The following CDC14A variants were observed in gnomAD, a reference collection of about 807,000 sequenced individuals.
CDC14A encodes the protein cell division cycle 14A.
In CDC14A, 53 loss-of-function variants were observed where a neutral mutation model predicts 74.4. That is an observed-to-expected ratio of 0.71 (90% confidence interval 0.57 to 0.89). CDC14A has a LOEUF of 0.89. Ranked by LOEUF, CDC14A falls within the 40% of genes least tolerant of loss-of-function variation. CDC14A has a pLI of 0.00. For synonymous variants in CDC14A, 247 were observed against 258.4 expected, an observed-to-expected ratio of 0.96 and a Z score of 0.43; for missense variants, 646 against 713.7, an observed-to-expected ratio of 0.91 and a Z score of 1.08.
chr1:100,468,072 C>T lies in CDC14A; in HGVS notation c.955C>T (p.Pro319Ser), dbSNP rs1396016584. 1.9e-6 allele frequency: 3 copies of T among 1,613,606 alleles called. No individual in the cohort carries two copies. The highest frequency in any genetic ancestry group is 2.5e-6 in the Non-Finnish European group (3 of 1,179,806). The change falls in exon 10 of 16, where the codon CCC becomes TCC. Residue 319 changes from proline (P) to serine (S), a missense_variant. Coordinates refer to ENST00000336454, the MANE Select transcript of CDC14A (RefSeq NM_003672.4). ...ATGCCGGCCAGGCTCTATTATAGGACCCCAGCAGCACTTCCTGGAAGAGTA... is the reference window on the plus strand; with the variant it reads ...ATGCCGGCCAGGCTCTATTATAGGATCCCAGCAGCACTTCCTGGAAGAGTA... ...RICRPGSIIG[P>S]QQHFLEEKQA...
intron 15 of CDC14A, among the ~76,000 whole-genome samples, chr1:100,502,352 T>G (rs934128459): frequency 2.0e-5 from 3 of 152,226 alleles, no homozygotes; most frequent in African/African-American, 7.2e-5. Flanking sequence ...TTTCTATGTT[T>G]AGGTATGTTT....
chr1:100,485,005 A>G, intron 11 of CDC14A: 1 of 984,594 alleles, frequency 1.0e-6, no homozygotes, highest in Non-Finnish European at 1.2e-6. Flanking sequence ...GAAATTGCAT[A>G]TCAGAGATGT....
intron 15 of CDC14A, among the ~76,000 whole-genome samples, chr1:100,515,522 T>C (rs149232557): frequency 0.025 from 3,735 of 152,142 alleles, 63 homozygotes; most frequent in Middle Eastern, 0.085. Context: ...TAGCTGGGAT[T>C]ACAGGAATGT....
chr1:100,462,973 C>A, intron 9 of CDC14A, 92 bp downstream of exon 9: 1 of 865,498 alleles, frequency 1.2e-6, no homozygotes, highest in Non-Finnish European at 1.8e-6. Context: ...TGTTTAGTGT[C>A]TTAGAAAAAC....
chr1:100,361,372 A>G (rs1652731470), intron 2 of CDC14A, among the ~76,000 whole-genome samples: 2 of 152,232 alleles, frequency 1.3e-5, no homozygotes, highest in South Asian at 2.1e-4. Context: ...CTGCAAATGT[A>G]TGTGTTAGGA....
chr1:100,356,987 G>A (rs1652006142), intron 2 of CDC14A, among the ~76,000 whole-genome samples: 1 of 152,056 alleles, frequency 6.6e-6, no homozygotes, highest in African/African-American at 2.4e-5. Context: ...GTGGCGTGGA[G>A]GGGTGCTGAG....
intron 8 of CDC14A, 64 bp downstream of exon 8, chr1:100,455,556 C>T: frequency 5.5e-6 from 5 of 909,050 alleles, no homozygotes; most frequent in Non-Finnish European, 8.7e-6. Context: ...AGTTTCTTAA[C>T]TTCCTCAGAT....
At chr1:100,479,517 T>C (rs1669246565) in intron 10 of CDC14A, among the ~76,000 whole-genome samples, 1 of 152,204 alleles carries the variant, frequency 6.6e-6, no homozygotes, top group Admixed American at 6.5e-5. Context: ...GGTTTTCTTT[T>C]AGATACATGC....
intron 4 of CDC14A, among the ~76,000 whole-genome samples, chr1:100,397,060 A>G (rs1236346565): frequency 6.6e-6 from 1 of 151,536 alleles, no homozygotes; most frequent in Non-Finnish European, 1.5e-5. Context: ...CTCATCAGCT[A>G]TCCTTAGTGT....
At chr1:100,435,022 C>T (rs1430463411) in intron 5 of CDC14A, among the ~76,000 whole-genome samples, 1 of 152,168 alleles carries the variant, frequency 6.6e-6, no homozygotes, top group Non-Finnish European at 1.5e-5. Flanking sequence ...TGCCTTTGGC[C>T]TACTGAATTA....
At chr1:100,515,172 T>G (rs1179397802) in intron 15 of CDC14A, among the ~76,000 whole-genome samples, 6 of 152,162 alleles carry the variant, frequency 3.9e-5, no homozygotes, top group African/African-American at 1.4e-4. Context: ...CCTTGAGGTT[T>G]CCTCAACTGT....
chr1:100,463,683 T>C (rs1187995508), intron 9 of CDC14A, among the ~76,000 whole-genome samples: 1 of 152,232 alleles, frequency 6.6e-6, no homozygotes, highest in African/African-American at 2.4e-5. Flanking sequence ...GGCAACCCCA[T>C]GTCAGCTACT....
intron 4 of CDC14A, among the ~76,000 whole-genome samples, chr1:100,408,827 A>G (rs1450974101): frequency 6.6e-6 from 1 of 152,182 alleles, no homozygotes; most frequent in Non-Finnish European, 1.5e-5. Flanking sequence ...ATCATCTGAC[A>G]CATTTATAAT....
chr1:100,357,880 A>G (rs1652145527), intron 2 of CDC14A, among the ~76,000 whole-genome samples: 2 of 152,218 alleles, frequency 1.3e-5, no homozygotes, highest in African/African-American at 4.8e-5. Context: ...TGTTTTGCGC[A>G]GATGTTTCTT....
rs2101494744 is a variant in CDC14A, at chr1:100,518,886, A to G, written c.*606A>G. 6.6e-6 allele frequency: 1 copy of G among 152,596 alleles called. No homozygotes were observed. The highest frequency in any genetic ancestry group is 2.1e-4 in the South Asian group (1 of 4,828). 9.5% of individuals were successfully genotyped at this position (152,596 alleles called of 1,614,324 possible). On this transcript the variant is annotated 3_prime_UTR_variant, in exon 16 of 16. Transcript: ENST00000336454. ...ATTCTTTTGGGAAGTCAGTTTAGTT[A>G]CACTGAGTTTATCCAAGTTTATCTC...
At chr1:100,463,876 T>C (rs6660020) in intron 9 of CDC14A, among the ~76,000 whole-genome samples, 8,879 of 152,076 alleles carry the variant, frequency 0.058, 877 homozygotes, top group African/African-American at 0.2. Context: ...GAGTTCCTCA[T>C]GTGCAGCTCC....
chr1:100,392,334 C>T (rs538727748), intron 4 of CDC14A, among the ~76,000 whole-genome samples: 3 of 152,164 alleles, frequency 2.0e-5, no homozygotes, highest in Non-Finnish European at 4.4e-5. Context: ...GATTCAAGCC[C>T]TGTAAACAAA....
Position 100,467,863 on chromosome 1 carries a change from G to A in CDC14A, c.839-93G>A, listed in dbSNP as rs1358656597. 6 of 1,210,370 alleles carry A rather than the reference G, an allele frequency of 5.0e-6. No homozygotes were observed. The African/African-American group carries it at 7.9e-5, about 16-fold the overall frequency. The allele number at this position is 1,210,370 out of a possible 1,614,324, so 75.0% of individuals were successfully genotyped here. A position where few individuals can be genotyped will look rare whatever the true frequency, so the allele number is the denominator to read the frequency against. ...GTTGATAATATCATCACACTTGAAT[G>A]CAGAGCAGTTTCTGGGCAAGGTTTG... is the stretch of plus-strand genomic sequence containing the variant. On this transcript the variant is annotated intron_variant, in intron 9 of 15. Transcript: ENST00000336454.
intron 2 of CDC14A, among the ~76,000 whole-genome samples, chr1:100,371,297 T>G (rs1389953970): frequency 6.6e-6 from 1 of 152,164 alleles, no homozygotes; most frequent in African/African-American, 2.4e-5. Context: ...TATTTTTTCT[T>G]TGGTTGCTTG....
Sources: allele counts gnomAD v4.1 joint callset (sites outside exome capture counted in the v4.1 genomes callset), GRCh38; gene constraint gnomAD v4.1.1; transcripts MANE v1.5; gene names NCBI Gene and HGNC (gene_info 2026-07-23, HGNC 2026-07-21).